The following CNTNAP4 variants were observed in gnomAD, a reference collection of about 807,000 sequenced individuals.
CNTNAP4 encodes the protein contactin-associated protein-like 4.
In CNTNAP4, 98 loss-of-function variants were observed where a neutral mutation model predicts 148.4. The ratio of observed to expected loss-of-function variants is 0.66; its 90% CI spans 0.56 to 0.78. The LOEUF is 0.78. Among genes scored for constraint, CNTNAP4 ranks in the 30% least tolerant of loss-of-function variants. The probability of loss-of-function intolerance (pLI) is 0.00; values close to 1 mark genes in which losing one functional copy is unlikely to be tolerated. For missense variants in CNTNAP4, 1,935 were observed against 1,565.6 expected (o/e 1.24, Z -3.98); for synonymous variants, 730 against 565.1 (o/e 1.29, Z -4.14).
At chr16:76,480,312 T>C (rs530138136) in intron 12 of CNTNAP4, among the ~76,000 whole-genome samples, 2 of 152,128 alleles carry the variant, frequency 1.3e-5, no homozygotes, top group East Asian at 3.9e-4. Context: ...GCAATAAAAA[T>C]TAGAAAATAA....
intron 4 of CNTNAP4, among the ~76,000 whole-genome samples, chr16:76,428,782 A>G (rs191984246): frequency 3.9e-5 from 6 of 152,302 alleles, no homozygotes; most frequent in Admixed American, 1.3e-4. Flanking sequence ...TAATATTAAT[A>G]GCATTCCTTT....
intron 1 of CNTNAP4, among the ~76,000 whole-genome samples, chr16:76,294,686 A>G (rs1369895595): frequency 6.6e-6 from 1 of 152,202 alleles, no homozygotes; most frequent in Admixed American, 6.5e-5. Context: ...AAAGTGTTCC[A>G]AAACATAGTA....
intron 3 of CNTNAP4, among the ~76,000 whole-genome samples, chr16:76,395,663 C>A (rs2078176944): frequency 6.6e-6 from 1 of 151,950 alleles, no homozygotes; most frequent in Non-Finnish European, 1.5e-5. Flanking sequence ...CACCATTAGG[C>A]AGTTCTATTT....
intron 17 of CNTNAP4, among the ~76,000 whole-genome samples, chr16:76,534,941 G>A (rs1020974898): frequency 6.6e-6 from 1 of 152,104 alleles, no homozygotes; most frequent in East Asian, 1.9e-4. Flanking sequence ...TTGCAATTTT[G>A]TTAAGAATCT....
At chr16:76,517,674 A>C (rs1229639715) in intron 15 of CNTNAP4, among the ~76,000 whole-genome samples, 1 of 152,226 alleles carries the variant, frequency 6.6e-6, no homozygotes, top group Non-Finnish European at 1.5e-5. Context: ...ATTGATATCA[A>C]ATTCATATAT....
At chr16:76,489,535 A>G (rs7200386) in intron 12 of CNTNAP4, 151 bp from the exon 13 acceptor site, 13,889 of 418,912 alleles carry the variant, frequency 0.033, 1,195 homozygotes, top group African/African-American at 0.22. Context: ...AATTCCGAGA[A>G]TCCATTTGTG....
chr16:76,520,437 CT>C (rs2083411113), intron 15 of CNTNAP4, among the ~76,000 whole-genome samples: 1 of 152,082 alleles, frequency 6.6e-6, no homozygotes, highest in Non-Finnish European at 1.5e-5. Flanking sequence ...ATATCCCAAC[CT>C]TTTCAACATT....
rs182604103 is a variant in CNTNAP4, at chr16:76,453,433, G to T, written c.1333+664G>T. Reference sequence around the variant, plus strand: ...GATAATGAATGTCTAATTTAGGCCAGTGCGTTGAGTGAGGGATGTTTTTGT... The same window carrying T: ...GATAATGAATGTCTAATTTAGGCCATTGCGTTGAGTGAGGGATGTTTTTGT... On this transcript the variant is annotated intron_variant, in intron 8 of 23. Coordinates refer to ENST00000611870, the MANE Select transcript of CNTNAP4 (RefSeq NM_033401.5). 8.5e-5 allele frequency among the ~76,000 whole-genome samples: 13 copies of T among 152,278 alleles called. No individual in the cohort carries two copies. In the East Asian group the frequency reaches 2.1e-3, roughly 25 times the overall value.
At chr16:76,500,589 C>T (rs12925317) in intron 15 of CNTNAP4, among the ~76,000 whole-genome samples, 126,914 of 147,978 alleles carry the variant, frequency 0.86, 54,110 homozygotes, top group East Asian at 0.97. Flanking sequence ...TATATTTCAC[C>T]TGTAAATCTC....
intron 1 of CNTNAP4, among the ~76,000 whole-genome samples, chr16:76,281,973 C>T (rs1338392905): frequency 2.6e-5 from 4 of 151,856 alleles, no homozygotes; most frequent in Non-Finnish European, 5.9e-5. Context: ...TACCCTCTTA[C>T]TATGTAACTA....
intron 15 of CNTNAP4, among the ~76,000 whole-genome samples, chr16:76,508,207 C>T (rs1276066323): frequency 1.1e-5 from 1 of 94,158 alleles, no homozygotes; most frequent in African/African-American, 2.6e-5. Flanking sequence ...AAACCTACAG[C>T]TTATGAATTA....
At chr16:76,292,010 A>G (rs1959136336) in intron 1 of CNTNAP4, among the ~76,000 whole-genome samples, 1 of 152,172 alleles carries the variant, frequency 6.6e-6, no homozygotes, top group South Asian at 2.1e-4. Context: ...ATATACTTTT[A>G]TTTAAACATT....
At chr16:76,503,116 A>G (rs1268698616) in intron 15 of CNTNAP4, among the ~76,000 whole-genome samples, 1 of 152,230 alleles carries the variant, frequency 6.6e-6, no homozygotes, top group Non-Finnish European at 1.5e-5. Context: ...CCTCCATGGC[A>G]TAAAGGACAT....
At position 76,450,773 on chromosome 16, in the gene CNTNAP4, A is replaced by T. The variant is rs188154536; in HGVS notation, c.1071+915A>T. On this transcript the variant is annotated intron_variant, in intron 7 of 23. Coordinates refer to ENST00000611870, the MANE Select transcript of CNTNAP4 (RefSeq NM_033401.5). ...TTCTGTGGAAACGGGGACAATTTAAATATAGCTGTCTTGGTTAGGTTTCAG... is the reference window on the plus strand; with the variant it reads ...TTCTGTGGAAACGGGGACAATTTAATTATAGCTGTCTTGGTTAGGTTTCAG... Among the ~76,000 whole-genome samples the T allele has an allele frequency of 3.2e-3, 480 of 152,328 alleles. 3 individuals carry two copies. The highest frequency in any genetic ancestry group is 4.4e-3 in the Non-Finnish European group (297 of 68,032).
At chr16:76,465,497 A>G (rs2081142734) in intron 9 of CNTNAP4, among the ~76,000 whole-genome samples, 2 of 152,182 alleles carry the variant, frequency 1.3e-5, no homozygotes, top group South Asian at 2.1e-4. Flanking sequence ...CTACAGGCAT[A>G]TTGCACAATT....
At chr16:76,346,176 T>C (rs1405565523) in intron 2 of CNTNAP4, among the ~76,000 whole-genome samples, 1 of 152,184 alleles carries the variant, frequency 6.6e-6, no homozygotes, top group Non-Finnish European at 1.5e-5. Flanking sequence ...ATTGGGAACA[T>C]AATGCTATAC....
intron 1 of CNTNAP4, among the ~76,000 whole-genome samples, chr16:76,297,975 C>T (rs980472177): frequency 4.6e-5 from 7 of 152,040 alleles, no homozygotes; most frequent in Non-Finnish European, 1.0e-4. Context: ...CACCCGTAAT[C>T]AGAAACCTGA....
At chr16:76,486,350 T>C (rs2082025235) in intron 12 of CNTNAP4, among the ~76,000 whole-genome samples, 1 of 152,230 alleles carries the variant, frequency 6.6e-6, no homozygotes, top group Admixed American at 6.5e-5. Flanking sequence ...GGAAAGATAT[T>C]ACAACCAGTT....
At chr16:76,283,874 T>C (rs1958783607) in intron 1 of CNTNAP4, among the ~76,000 whole-genome samples, 1 of 152,038 alleles carries the variant, frequency 6.6e-6, no homozygotes, top group Admixed American at 6.6e-5. Flanking sequence ...TCATTTTGTT[T>C]TCACTGACTG....
Sources: allele counts gnomAD v4.1 joint callset (sites outside exome capture counted in the v4.1 genomes callset), GRCh38; gene constraint gnomAD v4.1.1; transcripts MANE v1.5; gene names NCBI Gene and HGNC (gene_info 2026-07-23, HGNC 2026-07-21).